The following DOCK1 variants were observed in gnomAD, a reference collection of about 807,000 sequenced individuals.
The protein encoded by DOCK1 is dedicator of cytokinesis protein 1.
DOCK1 carries 138 observed loss-of-function variants against 262.7 expected under a neutral mutation model. The ratio of observed to expected loss-of-function variants is 0.53; its 90% CI spans 0.46 to 0.61. The LOEUF (loss-of-function observed/expected upper bound fraction) is 0.61, where lower values mean the gene tolerates loss of function less well. DOCK1 is among the 20% of genes least tolerant of loss of function. DOCK1 has a pLI of 0.00. For missense variants in DOCK1, 1,908 were observed against 2,370.7 expected (o/e 0.80, Z 4.05); for synonymous variants, 866 against 867.4 (o/e 1.00, Z 0.03).
At chr10:127,163,181 A>C (rs1029607895) in intron 27 of DOCK1, among the ~76,000 whole-genome samples, 1 of 152,150 alleles carries the variant, frequency 6.6e-6, no homozygotes, top group African/African-American at 2.4e-5. Context: ...CTGGCTGGGA[A>C]CATGTCTTTG....
chr10:127,043,302 G>A (rs1304369874), intron 21 of DOCK1, 138 bp downstream of exon 21: 2 of 700,732 alleles, frequency 2.9e-6, no homozygotes, highest in Non-Finnish European at 4.8e-6. Flanking sequence ...ATAATTTTTA[G>A]TATTGTTTCC....
intron 28 of DOCK1, among the ~76,000 whole-genome samples, chr10:127,253,081 A>G (rs552585919): frequency 2.0e-5 from 3 of 152,294 alleles, no homozygotes; most frequent in East Asian, 3.9e-4. Flanking sequence ...AACTCTGAGG[A>G]CAGAGACCAT....
At chr10:127,051,040 A>AAT (rs1326223981) in intron 21 of DOCK1, among the ~76,000 whole-genome samples, 1 of 152,132 alleles carries the variant, frequency 6.6e-6, no homozygotes, top group Non-Finnish European at 1.5e-5. Context: ...TTAAGCTCCT[A>AAT]ATATATAGTT....
intron 7 of DOCK1, 102 bp from the exon 8 acceptor site, chr10:126,997,990 G>A (rs1397986425): frequency 6.9e-7 from 1 of 1,456,398 alleles, no homozygotes; most frequent in Non-Finnish European, 9.3e-7. Context: ...GCTGGGTTAT[G>A]CCAATGAGTT....
intron 1 of DOCK1, among the ~76,000 whole-genome samples, chr10:126,929,051 G>A (rs1291426387): frequency 6.6e-6 from 1 of 152,202 alleles, no homozygotes; most frequent in Admixed American, 6.5e-5. Flanking sequence ...TGGAGGCAGA[G>A]CTTCCAGCCG....
chr10:127,091,676 C>G (rs1281227497), intron 23 of DOCK1, among the ~76,000 whole-genome samples: 1 of 152,164 alleles, frequency 6.6e-6, no homozygotes, highest in African/African-American at 2.4e-5. Flanking sequence ...CAGAAATCAC[C>G]ATAAATCTGT....
At position 127,026,352 on chromosome 10, in the gene DOCK1, G is replaced by T; in HGVS notation, c.1552G>T (p.Val518Leu). Reference sequence around the variant, plus strand: ...TAAACTTCTTTTTCAATTCTTGAAGGTGGCCATTCCCATCGAGGACGTTAA... The same window carrying T: ...TAAACTTCTTTTTCAATTCTTGAAGTTGGCCATTCCCATCGAGGACGTTAA... ...KQPRWFETVK[V>L]AIPIEDVNRS... The change falls in exon 16 of 52, where the codon GTG (valine) becomes TTG (leucine). Residue 518 changes from valine (V) to leucine (L), a missense_variant and splice_region_variant. By Grantham distance (32) the Val-to-Leu change is conservative (BLOSUM62 1). Coordinates refer to ENST00000623213, the MANE Select transcript of DOCK1 (RefSeq NM_001290223.2). 1 of 1,563,488 alleles carries T rather than the reference G, an allele frequency of 6.4e-7. No homozygotes were observed.
intron 29 of DOCK1, among the ~76,000 whole-genome samples, chr10:127,309,243 G>A (rs1287487395): frequency 6.6e-6 from 1 of 151,996 alleles, no homozygotes; most frequent in African/African-American, 2.4e-5. Flanking sequence ...CTTCTTTTGA[G>A]AAATGTCTGT....
chr10:127,057,739 T>G (rs1411343367), intron 22 of DOCK1, among the ~76,000 whole-genome samples: 1 of 152,226 alleles, frequency 6.6e-6, no homozygotes, highest in Admixed American at 6.5e-5. Context: ...CTGCCTTCTC[T>G]TCTGGGTTTC....
chr10:127,357,993 AG>A (rs982396601), intron 32 of DOCK1, among the ~76,000 whole-genome samples: 4 of 137,018 alleles, frequency 2.9e-5, no homozygotes, highest in African/African-American at 1.2e-4. Flanking sequence ...CTTTCTACAT[AG>A]TTTTTTTTTT....
chr10:127,411,614 G>T (rs2067851195), intron 43 of DOCK1, among the ~76,000 whole-genome samples: 1 of 152,164 alleles, frequency 6.6e-6, no homozygotes, highest in South Asian at 2.1e-4. Flanking sequence ...GCTGAGGCAG[G>T]TAGATCAAAT....
chr10:127,133,558 G>T (rs2050452323), intron 27 of DOCK1, among the ~76,000 whole-genome samples: 1 of 152,050 alleles, frequency 6.6e-6, no homozygotes, highest in South Asian at 2.1e-4. Context: ...AGCAATTTTA[G>T]GTTTGTTTTC....
chr10:127,110,906 A>G (rs898471034), intron 25 of DOCK1, among the ~76,000 whole-genome samples: 1 of 152,172 alleles, frequency 6.6e-6, no homozygotes, highest in African/African-American at 2.4e-5. Flanking sequence ...GATTAAATTA[A>G]TATTTTACCC....
intron 21 of DOCK1, among the ~76,000 whole-genome samples, chr10:127,046,913 C>G (rs1420595057): frequency 1.3e-5 from 2 of 152,086 alleles, no homozygotes; most frequent in African/African-American, 4.8e-5. Flanking sequence ...ACAACTGAAC[C>G]AGACATGCTG....
intron 24 of DOCK1, 109 bp from the exon 25 acceptor site, chr10:127,110,139 T>C (rs551371839): frequency 1.2e-6 from 1 of 842,596 alleles, no homozygotes; most frequent in Non-Finnish European, 2.0e-6. Flanking sequence ...GTGTTGAACA[T>C]ACTGGTGACA....
intron 35 of DOCK1, among the ~76,000 whole-genome samples, chr10:127,377,650 G>A (rs1211501576): frequency 6.6e-6 from 1 of 151,996 alleles, no homozygotes; most frequent in African/African-American, 2.4e-5. Flanking sequence ...GTTGCACTTT[G>A]GGAGGCCAAG....
chr10:127,044,845 A>G (rs914079065), intron 21 of DOCK1, among the ~76,000 whole-genome samples: 3 of 152,120 alleles, frequency 2.0e-5, no homozygotes, highest in Non-Finnish European at 2.9e-5. Flanking sequence ...GAGTTTCCTA[A>G]TGAGACAAAC....
At chr10:127,120,666 A>G (rs542377717) in intron 25 of DOCK1, among the ~76,000 whole-genome samples, 39 of 152,294 alleles carry the variant, frequency 2.6e-4, no homozygotes, top group African/African-American at 6.7e-4. Context: ...ACATACCCCA[A>G]TTGTTCCAAA....
intron 38 of DOCK1, among the ~76,000 whole-genome samples, chr10:127,399,979 G>A (rs1265425390): frequency 2.6e-5 from 4 of 152,148 alleles, no homozygotes; most frequent in African/African-American, 7.2e-5. Flanking sequence ...CCTTCAGCAG[G>A]ATGGGGGAGA....
Sources: allele counts gnomAD v4.1 joint callset (sites outside exome capture counted in the v4.1 genomes callset), GRCh38; gene constraint gnomAD v4.1.1; transcripts MANE v1.5; gene names NCBI Gene and HGNC (gene_info 2026-07-23, HGNC 2026-07-21).